Variants in GALNT7 observed in about 807,000 individuals in gnomAD.
The protein encoded by GALNT7 is N-acetylgalactosaminyltransferase 7.
GALNT7 carries 60 observed loss-of-function variants against 82.1 expected under a neutral mutation model. The observed-to-expected ratio is 0.73, with a 90% CI of 0.59 to 0.91. The LOEUF is 0.91. Ranked by LOEUF, GALNT7 falls within the 40% of genes least tolerant of loss-of-function variation. The pLI is 0.00. For missense variants in GALNT7, 660 were observed against 804.2 expected, an observed-to-expected ratio of 0.82 and a Z score of 2.17; for synonymous variants, 243 against 275.1, an observed-to-expected ratio of 0.88 and a Z score of 1.15.
At chr4:173,261,945 GAAT>G (rs1204902025) in intron 2 of GALNT7, among the ~76,000 whole-genome samples, 5 of 152,026 alleles carry the variant, frequency 3.3e-5, no homozygotes, top group Non-Finnish European at 7.4e-5. Context: ...ATTCATTTAA[GAAT>G]AATAATTTCA....
intron 1 of GALNT7, among the ~76,000 whole-genome samples, chr4:173,209,341 G>A (rs11932721): frequency 0.032 from 4,851 of 152,290 alleles, 168 homozygotes; most frequent in Admixed American, 0.081. Flanking sequence ...TTAGCTCTTC[G>A]TCAGTATTTC....
chr4:173,290,406 C>T (rs964968716), intron 2 of GALNT7, among the ~76,000 whole-genome samples: 13 of 152,204 alleles, frequency 8.5e-5, no homozygotes, highest in African/African-American at 2.9e-4. Context: ...ATTCTATATA[C>T]ATACCAGACA....
chr4:173,247,689 G>C (rs1325826219), intron 1 of GALNT7, among the ~76,000 whole-genome samples: 1 of 152,088 alleles, frequency 6.6e-6, no homozygotes, highest in Non-Finnish European at 1.5e-5. Flanking sequence ...TTAAAAATAT[G>C]CTTTATTAAG....
chr4:173,262,462 G>A (rs1057426463), intron 2 of GALNT7, among the ~76,000 whole-genome samples: 4 of 152,208 alleles, frequency 2.6e-5, no homozygotes, highest in African/African-American at 4.8e-5. Flanking sequence ...CAATACATTT[G>A]TTAACATCAT....
chr4:173,191,141 A>T (rs913964409), intron 1 of GALNT7, among the ~76,000 whole-genome samples: 1 of 152,164 alleles, frequency 6.6e-6, no homozygotes, highest in African/African-American at 2.4e-5. Flanking sequence ...GGGCTAAGGC[A>T]ATAAAAGGAA....
intron 1 of GALNT7, among the ~76,000 whole-genome samples, chr4:173,216,728 T>TATA (rs374031950): frequency 6.2e-4 from 5 of 8,054 alleles, no homozygotes; most frequent in Admixed American, 1.4e-3. Context: ...TATATATATA[T>TATA]TTTTTTTTTT....
intron 1 of GALNT7, among the ~76,000 whole-genome samples, chr4:173,222,684 G>T (rs1733682558): frequency 6.6e-6 from 1 of 152,078 alleles, no homozygotes; most frequent in African/African-American, 2.4e-5. Context: ...ACTGATATTG[G>T]ACACTTATTA....
Position 173,183,805 on chromosome 4 carries a change from C to T in GALNT7, c.126+14844C>T, listed in dbSNP as rs531522725. On this transcript the variant is annotated intron_variant, in intron 1 of 11. Transcript: ENST00000265000. ...ACTGCCCCCCACCTCCCTGACGGCGCGGCTGGCCGGGCGGGGACTGTCCCC... is the reference window on the plus strand; with the variant it reads ...ACTGCCCCCCACCTCCCTGACGGCGTGGCTGGCCGGGCGGGGACTGTCCCC... Among the ~76,000 whole-genome samples the T allele has an allele frequency of 1.1e-3, 161 of 150,046 alleles. 1 individual carries two copies. Among genetic ancestry groups the T allele is most frequent in the African/African-American group, 3.8e-3 (153 of 40,728 alleles).
At chr4:173,214,677 C>CTT (rs1733385212) in intron 1 of GALNT7, among the ~76,000 whole-genome samples, 1 of 152,214 alleles carries the variant, frequency 6.6e-6, no homozygotes, top group Non-Finnish European at 1.5e-5. Flanking sequence ...CCAAATTCAA[C>CTT]TTCTCAAGCC....
intron 1 of GALNT7, among the ~76,000 whole-genome samples, chr4:173,176,929 G>A (rs1351289968): frequency 1.3e-5 from 2 of 152,190 alleles, no homozygotes; most frequent in Non-Finnish European, 2.9e-5. Flanking sequence ...ATGTCCGAAG[G>A]ATATAATGAA....
At chr4:173,291,306 T>C (rs554635739) in intron 2 of GALNT7, among the ~76,000 whole-genome samples, 1 of 152,344 alleles carries the variant, frequency 6.6e-6, no homozygotes, top group South Asian at 2.1e-4. Context: ...CCTGCTTCAG[T>C]TTCTCTCCAG....
At chr4:173,171,428 A>G (rs1313221975) in intron 1 of GALNT7, among the ~76,000 whole-genome samples, 2 of 152,212 alleles carry the variant, frequency 1.3e-5, no homozygotes, top group East Asian at 3.8e-4. Flanking sequence ...TTTACCAGGT[A>G]TGGGTTCTGC....
At chr4:173,304,888 G>GTA (rs1737090818) in intron 8 of GALNT7, among the ~76,000 whole-genome samples, 2 of 152,046 alleles carry the variant, frequency 1.3e-5, no homozygotes, top group South Asian at 2.1e-4. Flanking sequence ...ATACCATCAT[G>GTA]TATATATACC....
At chr4:173,283,185 T>A (rs1418179736) in intron 2 of GALNT7, among the ~76,000 whole-genome samples, 1 of 152,246 alleles carries the variant, frequency 6.6e-6, no homozygotes, top group Non-Finnish European at 1.5e-5. Context: ...GTCCTCCTTT[T>A]TGTTAAAAAC....
At chr4:173,274,447 G>A (rs1208024673) in intron 2 of GALNT7, among the ~76,000 whole-genome samples, 2 of 152,142 alleles carry the variant, frequency 1.3e-5, no homozygotes, top group African/African-American at 4.8e-5. Flanking sequence ...ATATATTTGT[G>A]TGTAATTCTT....
At chr4:173,183,699 G>A (rs1453266774) in intron 1 of GALNT7, among the ~76,000 whole-genome samples, 1 of 151,336 alleles carries the variant, frequency 6.6e-6, no homozygotes, top group Non-Finnish European at 1.5e-5. Flanking sequence ...GGGCAGAAGC[G>A]CCCCCCCACC....
chr4:173,224,837 C>A (rs929688735), intron 1 of GALNT7, among the ~76,000 whole-genome samples: 2 of 151,474 alleles, frequency 1.3e-5, no homozygotes, highest in Non-Finnish European at 2.9e-5. Context: ...ACGGTGAAAC[C>A]CCGTCTCTAC....
In GALNT7 at chr4:173,323,217, AAG is replaced by A. The variant is rs999713892; in HGVS notation, c.*1501_*1502del. 23 of 152,600 alleles carry A rather than the reference AAG, an allele frequency of 1.5e-4. No individual in the cohort carries two copies. The highest frequency in any genetic ancestry group is 4.3e-4 in the African/African-American group (18 of 41,560). 9.5% of individuals were successfully genotyped at this position (152,600 alleles called of 1,614,324 possible). A position where few individuals can be genotyped will look rare whatever the true frequency, so the allele number is the denominator to read the frequency against. Reference sequence around the variant, plus strand: ...TGTAATCATGGTATCATTACAATGAAAGGAATTCACAAACTACTGCCAGAGGA... The same window carrying A: ...TGTAATCATGGTATCATTACAATGAAGAATTCACAAACTACTGCCAGAGGA... On this transcript the variant is annotated 3_prime_UTR_variant, in exon 12 of 12. Transcript: ENST00000265000.
intron 6 of GALNT7, among the ~76,000 whole-genome samples, chr4:173,300,775 C>G (rs913627984): frequency 6.6e-6 from 1 of 151,820 alleles, no homozygotes; most frequent in Non-Finnish European, 1.5e-5. Context: ...ATTGGAAAGT[C>G]CAAGCAGTGT....
Sources: allele counts gnomAD v4.1 joint callset (sites outside exome capture counted in the v4.1 genomes callset), GRCh38; gene constraint gnomAD v4.1.1; transcripts MANE v1.5; gene names NCBI Gene and HGNC (gene_info 2026-07-23, HGNC 2026-07-21).